The following GPR19 variants were observed in gnomAD, a reference collection of about 807,000 sequenced individuals.
GPR19 encodes probable G protein-coupled receptor 19.
In GPR19, 14 loss-of-function variants were observed where a neutral mutation model predicts 28.5. The observed-to-expected ratio is 0.49, with a 90% CI of 0.32 to 0.77. The LOEUF is 0.77. Ranked by LOEUF, GPR19 falls within the 30% of genes least tolerant of loss-of-function variation. The pLI is 0.03. For missense variants in GPR19, 409 were observed against 504.1 expected, an observed-to-expected ratio of 0.81 and a Z score of 1.81; for synonymous variants, 173 against 184.1, an observed-to-expected ratio of 0.94 and a Z score of 0.49.
intron 3 of GPR19, among the ~76,000 whole-genome samples, chr12:12,669,730 C>T (rs1945831467): frequency 1.3e-5 from 2 of 152,172 alleles, no homozygotes; most frequent in African/African-American, 4.8e-5. Flanking sequence ...TTTACCCGCA[C>T]ACCACTTCCA....
At chr12:12,712,502 T>C in the GPR19 span, among the ~76,000 whole-genome samples, 1 of 152,224 alleles carries the variant, frequency 6.6e-6, no homozygotes, top group South Asian at 2.1e-4. Flanking sequence ...GGCCAACCAC[T>C]GTCTGATCCC....
chr12:12,703,547 C>G, the GPR19 span: 1 of 297,532 alleles, frequency 3.4e-6, no homozygotes, highest in Non-Finnish European at 5.0e-6. Flanking sequence ...AGTGATTCTG[C>G]TGGTCCCTAC....
the GPR19 span, among the ~76,000 whole-genome samples, chr12:12,716,415 T>C: frequency 6.6e-6 from 1 of 151,912 alleles, no homozygotes; most frequent in African/African-American, 2.4e-5. Context: ...TGGACTCAGG[T>C]AGAGGAAACT....
chr12:12,685,458 A>G (rs1946082246), intron 2 of GPR19, among the ~76,000 whole-genome samples: 1 of 152,026 alleles, frequency 6.6e-6, no homozygotes, highest in African/African-American at 2.4e-5. Flanking sequence ...GCCTGCTTGG[A>G]GCTGTTTTGT....
rs752918554 is a variant in GPR19, at chr12:12,661,474, A to G, written c.975T>C (p.Ser325=). ...ITWISFSSSA[S]KPTLYSIYNA... is the part of the protein sequence containing the mutation. ...TATAAATTGAATACAGAGTAGGTTT[A>G]GAGGCTGAAGAACTAAAGGATATCC... Residue 325 remains serine, a synonymous_variant, in exon 4 of 4, where the codon TCT becomes TCC. Transcript: ENST00000651487. This position sits in a 1 kb window ranked among gnomAD's most constrained non-coding sequence, Gnocchi z 4.2. The G allele has an allele frequency of 3.7e-6, 6 of 1,613,856 alleles. No homozygotes were observed. The highest frequency in any genetic ancestry group is 1.7e-5 in the Admixed American group (1 of 60,028).
upstream of GPR19, among the ~76,000 whole-genome samples, chr12:12,697,152 G>GAAAAAAAAAAAAA (rs1565413527): frequency 7.6e-4 from 4 of 5,260 alleles, no homozygotes; most frequent in Non-Finnish European, 1.7e-3. Context: ...TTGAAGCGAA[G>GAAAAAAAAAAAAA]TAAAAAAAAA....
chr12:12,698,089 G>A (rs897318725), upstream of GPR19, among the ~76,000 whole-genome samples: 2 of 152,212 alleles, frequency 1.3e-5, no homozygotes, highest in African/African-American at 4.8e-5. Flanking sequence ...CACATAATGA[G>A]AAGGCTTGAA....
intron 3 of GPR19, among the ~76,000 whole-genome samples, chr12:12,665,934 C>A (rs1337399489): frequency 6.7e-6 from 1 of 148,586 alleles, no homozygotes; most frequent in Non-Finnish European, 1.5e-5. Context: ...GAACTTTGTA[C>A]AAGGAGCTAA....
intron 3 of GPR19, among the ~76,000 whole-genome samples, chr12:12,665,819 CAAAAAAAAA>C (rs528302150): frequency 2.1e-4 from 16 of 75,726 alleles, no homozygotes; most frequent in South Asian, 1.3e-3. Flanking sequence ...GACTCCGTCT[CAAAAAAAAA>C]AAAAAAAAAA....
the GPR19 span, among the ~76,000 whole-genome samples, chr12:12,713,335 G>C: frequency 2.5e-4 from 38 of 152,122 alleles, no homozygotes; most frequent in African/African-American, 8.0e-4. Context: ...AAAGTGCTAG[G>C]ATTATAGGCG....
intron 3 of GPR19, among the ~76,000 whole-genome samples, chr12:12,664,378 A>G (rs528515828): frequency 1.3e-5 from 2 of 152,284 alleles, no homozygotes; most frequent in Admixed American, 6.5e-5. Flanking sequence ...GCTATATTCA[A>G]TACAAGTCTA....
chr12:12,673,977 C>T (rs1424200686), intron 3 of GPR19, among the ~76,000 whole-genome samples: 5 of 151,836 alleles, frequency 3.3e-5, no homozygotes, highest in South Asian at 2.1e-4. Flanking sequence ...TTTGGGAGGC[C>T]GAGGCAGGTG....
chr12:12,661,385 C>T lies in GPR19; in HGVS notation c.1064G>A (p.Ser355Asn). Residue 355 changes from serine to asparagine, a missense_variant, in exon 4 of 4, where the codon AGC (serine) becomes AAC (asparagine). Transcript: ENST00000651487. The surrounding 1 kb of genome is among the most constrained non-coding windows in gnomAD (Gnocchi z 4.2). Reference protein sequence around the residue: ...FCMSSMKCYRSNAYTITTSSR... With the variant: ...FCMSSMKCYRNNAYTITTSSR... Reference sequence around the variant, plus strand: ...ACTTGTTGTGATAGTATAGGCATTGCTTCGGTAACATTTCATAGAGGACAT... The same window carrying T: ...ACTTGTTGTGATAGTATAGGCATTGTTTCGGTAACATTTCATAGAGGACAT... The T allele has an allele frequency of 6.2e-7, 1 of 1,613,790 alleles. No individual in the cohort carries two copies. The highest frequency in any genetic ancestry group is 8.5e-7 in the Non-Finnish European group (1 of 1,179,692).
chr12:12,707,989 CTTTTTT>C, the GPR19 span, among the ~76,000 whole-genome samples: 1 of 62,442 alleles, frequency 1.6e-5, no homozygotes. Flanking sequence ...ATTTCCTATT[CTTTTTT>C]TTTTTTTTTT....
At chr12:12,692,597 T>A in intron 2 of GPR19, among the ~76,000 whole-genome samples, 1 of 152,146 alleles carries the variant, frequency 6.6e-6, no homozygotes, top group Non-Finnish European at 1.5e-5. Flanking sequence ...CCCTCATTTA[T>A]AGAACCAGAA....
chr12:12,697,153 T>TAAAAAAAAAAAAAAA (rs386375639), upstream of GPR19, among the ~76,000 whole-genome samples: 109 of 48,848 alleles, frequency 2.2e-3, 28 homozygotes, highest in Admixed American at 5.8e-3. Context: ...TGAAGCGAAG[T>TAAAAAAAAAAAAAAA]AAAAAAAAAA....
intron 2 of GPR19, among the ~76,000 whole-genome samples, chr12:12,685,958 T>C (rs1946092045): frequency 6.6e-6 from 1 of 152,218 alleles, no homozygotes; most frequent in Non-Finnish European, 1.5e-5. Context: ...GGATTCTTTA[T>C]AACACTATGG....
At chr12:12,700,394 CA>C (rs1228925760), upstream of GPR19, among the ~76,000 whole-genome samples, 1 of 151,822 alleles carries the variant, frequency 6.6e-6, no homozygotes, top group Non-Finnish European at 1.5e-5. Flanking sequence ...CTCATAAGGG[CA>C]AAAAATGTTT....
chr12:12,711,175 T>A, the GPR19 span, among the ~76,000 whole-genome samples: 1,345 of 151,202 alleles, frequency 8.9e-3, 3 homozygotes, highest in Non-Finnish European at 0.015. Flanking sequence ...GTGCCTGCAA[T>A]CCCAGCTACT....
Sources: allele counts gnomAD v4.1 joint callset (sites outside exome capture counted in the v4.1 genomes callset), GRCh38; gene constraint gnomAD v4.1.1; non-coding constraint Gnocchi (gnomAD v3.1); transcripts MANE v1.5; gene names NCBI Gene and HGNC (gene_info 2026-07-23, HGNC 2026-07-21).